The following CUL9 variants were observed in gnomAD, a reference collection of about 807,000 sequenced individuals.
CUL9 encodes the protein cullin 9.
CUL9 carries 79 observed loss-of-function variants against 272.6 expected under a neutral mutation model. The ratio of observed to expected loss-of-function variants is 0.29; its 90% CI spans 0.24 to 0.35. CUL9 has a LOEUF of 0.35. Among genes scored for constraint, CUL9 ranks in the 10% least tolerant of loss-of-function variants. The pLI is 1.00. For missense variants in CUL9, 2,532 were observed against 3,255.6 expected (o/e 0.78, Z 5.41); for synonymous variants, 1,186 against 1,286.5 (o/e 0.92, Z 1.67).
Position 43,204,730 on chromosome 6 carries a change from C to G in CUL9, c.4340-18C>G. On this transcript the variant is annotated intron_variant, in intron 21 of 40. Transcript: ENST00000252050. ...GAGGCTGAGATGAAACCCCTTCCTT[C>G]TCCCTCTGTCTCTACAGTCAGCAAG... The G allele has an allele frequency of 6.2e-7, 1 of 1,612,916 alleles. No homozygotes were observed.
In CUL9 at chr6:43,206,533, T is replaced by A; in HGVS notation, c.5212+23T>A. On this transcript the variant is annotated intron_variant, in intron 26 of 40. Coordinates refer to ENST00000252050, the MANE Select transcript of CUL9 (RefSeq NM_015089.4). The surrounding 1 kb of genome is among the most constrained non-coding windows in gnomAD (Gnocchi z 4.8). ...AGAGTGAGGAACTAGGGAGAGGAAA[T>A]TGGAGATCGGGGTGAGATTCGGGGT... 1 of 1,610,932 alleles carries A rather than the reference T, an allele frequency of 6.2e-7. No individual in the cohort carries two copies. The highest frequency in any genetic ancestry group is 1.1e-5 in the South Asian group (1 of 90,996).
chr6:43,216,549 C>G (rs373462301), intron 31 of CUL9, 46 bp downstream of exon 31: 126 of 1,504,794 alleles, frequency 8.4e-5, no homozygotes, highest in Non-Finnish European at 1.1e-4. Flanking sequence ...TTCTGCCCTA[C>G]CCTAACAAAA....
chr6:43,210,325 T>C (rs781589835), intron 26 of CUL9, among the ~76,000 whole-genome samples: 1 of 152,194 alleles, frequency 6.6e-6, no homozygotes, highest in Non-Finnish European at 1.5e-5. Flanking sequence ...TATTTCCTTG[T>C]GATTAGATTC....
At chr6:43,194,599 G>A (rs1330240834) in intron 9 of CUL9, among the ~76,000 whole-genome samples, 1 of 151,944 alleles carries the variant, frequency 6.6e-6, no homozygotes, top group African/African-American at 2.4e-5. Flanking sequence ...GATTACAGGT[G>A]TGAGCCATCA....
In CUL9 at chr6:43,203,457, G is replaced by T. The variant is rs752775481; in HGVS notation, c.3890G>T (p.Gly1297Val). ...DTRVRGVEVLGPKPTFWPLFR... is the reference protein window; with the variant it reads ...DTRVRGVEVLVPKPTFWPLFR... Reference sequence around the variant, plus strand: ...CGGGTTCGGGGTGTGGAGGTCCTGGGCCCTAAGCCCACATTCTGGCCACTG... The same window carrying T: ...CGGGTTCGGGGTGTGGAGGTCCTGGTCCCTAAGCCCACATTCTGGCCACTG... Residue 1297 changes from glycine to valine, a missense_variant, in exon 19 of 41, where the codon GGC becomes GTC. Gly to Val is a moderately radical substitution (Grantham distance 109). Transcript: ENST00000252050. This position sits in a 1 kb window ranked among gnomAD's most constrained non-coding sequence, Gnocchi z 5.0. 1.9e-6 allele frequency: 3 copies of T among 1,614,168 alleles called. No individual in the cohort carries two copies. Among genetic ancestry groups the T allele is most frequent in the Non-Finnish European group, 2.5e-6 (3 of 1,180,034 alleles).
intron 8 of CUL9, among the ~76,000 whole-genome samples, chr6:43,189,788 T>G (rs561148443): frequency 6.6e-6 from 1 of 150,686 alleles, no homozygotes; most frequent in Non-Finnish European, 1.5e-5. Context: ...GATGATCCAG[T>G]CTCCCAAAGT....
chr6:43,210,427 C>T (rs910862021), intron 26 of CUL9, among the ~76,000 whole-genome samples: 4 of 152,088 alleles, frequency 2.6e-5, no homozygotes, highest in African/African-American at 9.7e-5. Flanking sequence ...TTCATCTGCC[C>T]CTTCTTTATC....
At chr6:43,219,436 G>C (rs972974797) in intron 31 of CUL9, among the ~76,000 whole-genome samples, 1 of 152,192 alleles carries the variant, frequency 6.6e-6, no homozygotes, top group African/African-American at 2.4e-5. Context: ...TGAGGCACTG[G>C]TGTGCCTGTA....
rs781355666 is a variant in CUL9, at chr6:43,199,216, A to G, written c.3051-50A>G. The G allele has an allele frequency of 9.6e-6, 14 of 1,461,202 alleles. No individual in the cohort carries two copies. The highest frequency in any genetic ancestry group is 2.3e-5 in the East Asian group (1 of 43,744). 90.5% of individuals were successfully genotyped at this position (1,461,202 alleles called of 1,614,324 possible). A position where few individuals can be genotyped will look rare whatever the true frequency, so the allele number is the denominator to read the frequency against. ...CTCCCAAAGTGCTGGGATTACAGGC[A>G]TGAGCCACTGTGCCTGGCCTGACTT... On this transcript the variant is annotated intron_variant, in intron 12 of 40. Transcript: ENST00000252050. The surrounding 1 kb of genome is among the most constrained non-coding windows in gnomAD (Gnocchi z 4.4).
Position 43,200,661 on chromosome 6 carries a change from A to C in CUL9, c.3476-2A>C. ...CTGCCACCCCTTCCCACTTGCCCCC[A>C]GGCTCCAGTGTGGAAGTGAAGGAGG... On this transcript the variant is annotated splice_acceptor_variant, in intron 15 of 40. Coordinates refer to ENST00000252050, the MANE Select transcript of CUL9 (RefSeq NM_015089.4). LOFTEE classifies it high-confidence loss of function. The surrounding 1 kb of genome is among the most constrained non-coding windows in gnomAD (Gnocchi z 4.0). 6.2e-7 allele frequency: 1 copy of C among 1,613,900 alleles called. No homozygotes were observed. The highest frequency in any genetic ancestry group is 8.5e-7 in the Non-Finnish European group (1 of 1,179,964).
At chr6:43,188,858 T>C in intron 8 of CUL9, 143 bp downstream of exon 8, 2 of 637,894 alleles carry the variant, frequency 3.1e-6, no homozygotes, top group Non-Finnish European at 5.3e-6. Flanking sequence ...AGCAGGAGGG[T>C]TGGATGTTTT....
chr6:43,221,440 C>T lies in CUL9; in HGVS notation c.6752+119C>T. 8.1e-7 allele frequency: 1 copy of T among 1,237,280 alleles called. No homozygotes were observed. The highest frequency in any genetic ancestry group is 1.1e-6 in the Non-Finnish European group (1 of 908,808). The allele number at this position is 1,237,280 out of a possible 1,614,324, so 76.6% of individuals were successfully genotyped here. A position where few individuals can be genotyped will look rare whatever the true frequency, so the allele number is the denominator to read the frequency against. ...CAAAAGAGGGTGGTTCCTCAGCCGC[C>T]CCTCACGTGGCAGCCTCCACGGTGA... is the stretch of plus-strand genomic sequence containing the variant. On this transcript the variant is annotated intron_variant, in intron 34 of 40. Transcript: ENST00000252050. The surrounding 1 kb of genome is among the most constrained non-coding windows in gnomAD (Gnocchi z 4.2).
At position 43,184,474 on chromosome 6, in the gene CUL9, T is replaced by C; in HGVS notation, c.164T>C (p.Val55Ala). The change falls in exon 2 of 41, where the codon GTG becomes GCG. Residue 55 changes from valine (V) to alanine (A), a missense_variant. Physicochemically the swap from Val to Ala is moderately conservative, Grantham distance 64. Transcript: ENST00000252050. The surrounding 1 kb of genome is among the most constrained non-coding windows in gnomAD (Gnocchi z 4.8). ...TGTGGGGAAGTGGGCAAAGTGGGTG[T>C]GGAAGAAGGCAAAGCAGAGCACATC... ...LKCGEVGKVGVEEGKAEHILM... is the reference protein window; with the variant it reads ...LKCGEVGKVGAEEGKAEHILM... 6.2e-7 allele frequency: 1 copy of C among 1,613,700 alleles called. No individual in the cohort carries two copies. The highest frequency in any genetic ancestry group is 8.5e-7 in the Non-Finnish European group (1 of 1,179,806).
chr6:43,190,771 T>C (rs567631599), intron 8 of CUL9, among the ~76,000 whole-genome samples: 2 of 152,322 alleles, frequency 1.3e-5, no homozygotes, highest in Non-Finnish European at 2.9e-5. Context: ...CCAGAAGTTC[T>C]CCTTCTGTGT....
chr6:43,216,215 C>T lies in CUL9; in HGVS notation c.5994C>T (p.Ser1998=), dbSNP rs896922683. 6.2e-7 allele frequency: 1 copy of T among 1,613,578 alleles called. No homozygotes were observed. ...SLQLPAGRTM[S]PQEVEGLMKQ... ...AGCTGCCTGCAGGCCGCACCATGAG[C>T]CCCCAGGAAGTAGAAGGGTTGATGA... The change falls in exon 31 of 41, where the codon AGC becomes AGT. Residue 1998 remains serine, a synonymous_variant. Transcript: ENST00000252050.
chr6:43,198,990 G>A, intron 12 of CUL9, 135 bp downstream of exon 12: 1 of 1,187,622 alleles, frequency 8.4e-7, no homozygotes, highest in Non-Finnish European at 1.2e-6. Flanking sequence ...AGGCTGGAGT[G>A]CAATGGCACG....
At chr6:43,186,819 T>C (rs1582285883) in intron 4 of CUL9, 141 bp from the exon 5 acceptor site, 2 of 1,048,002 alleles carry the variant, frequency 1.9e-6, no homozygotes, top group African/African-American at 3.2e-5. Flanking sequence ...CATATGGGGG[T>C]TTTTCCAGGC....
rs760174596 is a variant in CUL9, at chr6:43,187,361, G to A, written c.1503G>A (p.Glu501=). 3.6e-5 allele frequency: 58 copies of A among 1,614,022 alleles called. 1 individual carries two copies. Among genetic ancestry groups the A allele is most frequent in the Non-Finnish European group, 4.6e-5 (54 of 1,180,024 alleles). ...VGYLTQAEWW[E]LLFFIKKLDL... ...ATCTGACCCAGGCTGAATGGTGGGAGCTGCTTTTCTTTATCAAAAAGTTGG... is the reference window on the plus strand; with the variant it reads ...ATCTGACCCAGGCTGAATGGTGGGAACTGCTTTTCTTTATCAAAAAGTTGG... The change falls in exon 6 of 41, where the codon GAG becomes GAA. Residue 501 remains glutamate, a synonymous_variant. Transcript: ENST00000252050.
rs769391386 is a variant in CUL9, at chr6:43,203,487, G to A, written c.3920G>A (p.Arg1307Gln). The A allele has an allele frequency of 3.7e-6, 6 of 1,614,186 alleles. No individual in the cohort carries two copies. Among genetic ancestry groups the A allele is most frequent in the South Asian group, 2.2e-5 (2 of 91,082 alleles). ...AAGCCCACATTCTGGCCACTGTTCC[G>A]GGAGCAGCTGTGTCGCCGAACATGT... ...GPKPTFWPLF[R>Q]EQLCRRTCLF... is the part of the protein sequence containing the mutation. The change falls in exon 19 of 41, where the codon CGG becomes CAG. Residue 1307 changes from arginine to glutamine, a missense_variant. Coordinates refer to ENST00000252050, the MANE Select transcript of CUL9 (RefSeq NM_015089.4). The surrounding 1 kb of genome is among the most constrained non-coding windows in gnomAD (Gnocchi z 5.0).
Sources: allele counts gnomAD v4.1 joint callset (sites outside exome capture counted in the v4.1 genomes callset), GRCh38; gene constraint gnomAD v4.1.1; non-coding constraint Gnocchi (gnomAD v3.1); transcripts MANE v1.5; gene names NCBI Gene and HGNC (gene_info 2026-07-23, HGNC 2026-07-21).